Variants in SUCLG2 observed in about 807,000 individuals in gnomAD.
SUCLG2 encodes the protein succinate-CoA ligase GDP-forming subunit beta.
Under a neutral mutation model 47.9 loss-of-function variants are expected in SUCLG2, and 42 were observed. The ratio of observed to expected loss-of-function variants is 0.88; its 90% CI spans 0.69 to 1.14. The LOEUF is 1.14. SUCLG2 is among the 50% of genes most tolerant of loss of function. The pLI is 0.00. For synonymous variants in SUCLG2, 195 were observed against 197.3 expected (o/e 0.99, Z 0.10); for missense variants, 571 against 525.9 (o/e 1.09, Z -0.84).
downstream of SUCLG2, among the ~76,000 whole-genome samples, chr3:67,373,599 C>T (rs551262827): frequency 2.8e-4 from 42 of 152,024 alleles, no homozygotes; most frequent in Admixed American, 1.6e-3. Flanking sequence ...GTAAATGAAC[C>T]GGGGCCAGAT....
chr3:67,617,507 T>C (rs958461237), intron 1 of SUCLG2, among the ~76,000 whole-genome samples: 6 of 152,220 alleles, frequency 3.9e-5, no homozygotes, highest in Non-Finnish European at 7.3e-5. Flanking sequence ...GTAGTCTTCA[T>C]TGGAAGTCAC....
At chr3:67,629,776 G>A (rs1375624460) in intron 1 of SUCLG2, among the ~76,000 whole-genome samples, 2 of 152,072 alleles carry the variant, frequency 1.3e-5, no homozygotes, top group African/African-American at 2.4e-5. Context: ...ACCCAGGTAT[G>A]GCTGAAAGGA....
chr3:67,621,978 C>T (rs1214702885), intron 1 of SUCLG2, among the ~76,000 whole-genome samples: 2 of 152,160 alleles, frequency 1.3e-5, no homozygotes, highest in African/African-American at 4.8e-5. Flanking sequence ...TAACTTTCTT[C>T]CATTATTTAA....
rs1229687080 is a variant in SUCLG2 at position 67,400,806 on chromosome 3, C to T, written c.1108G>A (p.Ala370Thr). 4 of 1,612,676 alleles carry T rather than the reference C, an allele frequency of 2.5e-6. No homozygotes were observed. In the African/African-American group the frequency reaches 5.3e-5, roughly 22 times the overall value. Reference protein sequence around the residue: ...VNIFGGIVNCAIIANGITKAC... With the variant: ...VNIFGGIVNCTIIANGITKAC... ...TTGGTGATCCCATTGGCAATGATGG[C>T]ACAGTTGACGATACCACCAAATATA... The change falls in exon 10 of 11, where the codon GCC (alanine) becomes ACC (threonine). Residue 370 changes from alanine (A) to threonine (T), a missense_variant. Transcript: ENST00000307227.
chr3:67,404,039 C>T (rs950821960), intron 9 of SUCLG2, among the ~76,000 whole-genome samples: 1 of 152,184 alleles, frequency 6.6e-6, no homozygotes, highest in Non-Finnish European at 1.5e-5. Flanking sequence ...GCAGCTGCCA[C>T]CACACCTGAC....
rs1702011019 is a variant in SUCLG2 at position 67,375,196 on chromosome 3, A to G, written c.*548T>C. On this transcript the variant is annotated 3_prime_UTR_variant, in exon 11 of 11. Coordinates refer to ENST00000307227, the MANE Select transcript of SUCLG2 (RefSeq NM_003848.4). Reference sequence around the variant, plus strand: ...TGGAATACTCACGGATTTTTCAAACATATGTTAGAATTAGAAACCTGTAAA... The same window carrying G: ...TGGAATACTCACGGATTTTTCAAACGTATGTTAGAATTAGAAACCTGTAAA... 1 of 985,818 alleles carries G rather than the reference A, an allele frequency of 1.0e-6. No individual in the cohort carries two copies. The highest frequency in any genetic ancestry group is 1.7e-5 in the African/African-American group (1 of 57,366). The allele number at this position is 985,818 out of a possible 1,614,324, so 61.1% of individuals were successfully genotyped here.
At chr3:67,528,621 G>A (rs12495506) in intron 3 of SUCLG2, among the ~76,000 whole-genome samples, 1 of 152,188 alleles carries the variant, frequency 6.6e-6, no homozygotes, top group Non-Finnish European at 1.5e-5. Context: ...AAAAAGGTGT[G>A]TGACAGGAAC....
intron 7 of SUCLG2, among the ~76,000 whole-genome samples, chr3:67,506,775 C>T (rs1373315540): frequency 6.6e-6 from 1 of 152,244 alleles, no homozygotes; most frequent in Non-Finnish European, 1.5e-5. Context: ...GTTAAACCTT[C>T]TCCTTCATTT....
chr3:67,518,178 G>T, intron 6 of SUCLG2, 69 bp downstream of exon 6: 1 of 1,238,802 alleles, frequency 8.1e-7, no homozygotes. Context: ...AACACTAGAG[G>T]CAATGAAGCA....
intron 9 of SUCLG2, among the ~76,000 whole-genome samples, chr3:67,449,031 C>A (rs1319079020): frequency 6.6e-6 from 1 of 152,108 alleles, no homozygotes; most frequent in Non-Finnish European, 1.5e-5. Context: ...CACAGAAACA[C>A]ATTATTTTAC....
In SUCLG2 at chr3:67,641,413, T is replaced by C. The variant is rs937991288; in HGVS notation, c.84+13090A>G. 3.3e-5 allele frequency among the ~76,000 whole-genome samples: 5 copies of C among 152,072 alleles called. No individual in the cohort carries two copies. The South Asian group carries it at 1.0e-3, about 32-fold the overall frequency. ...TTCAGAGACTCCAGAAGTGCCAAGG[T>C]GAAAAAACAAAGGCTCATCTGGTCA... On this transcript the variant is annotated intron_variant, in intron 1 of 10. Transcript: ENST00000307227.
At chr3:67,594,218 T>C (rs1708243226) in intron 2 of SUCLG2, among the ~76,000 whole-genome samples, 1 of 152,226 alleles carries the variant, frequency 6.6e-6, no homozygotes. Context: ...GTTGAGGCAA[T>C]ACCTAACTGA....
chr3:67,400,647 C>G, intron 10 of SUCLG2, 84 bp downstream of exon 10: 2 of 1,560,276 alleles, frequency 1.3e-6, no homozygotes, highest in East Asian at 4.5e-5. Flanking sequence ...TCTGTTATCT[C>G]AGGAAGTTTG....
intron 2 of SUCLG2, among the ~76,000 whole-genome samples, chr3:67,540,095 C>T (rs964356916): frequency 2.0e-5 from 3 of 150,930 alleles, no homozygotes; most frequent in Admixed American, 2.0e-4. Flanking sequence ...TTGTCTTCTG[C>T]TTGCTTTTGA....
chr3:67,429,236 G>C (rs1703393636), intron 9 of SUCLG2, among the ~76,000 whole-genome samples: 1 of 152,210 alleles, frequency 6.6e-6, no homozygotes, highest in African/African-American at 2.4e-5. Context: ...AAGTCCATTA[G>C]ACTAACAGCT....
At chr3:67,434,197 A>G (rs993269510) in intron 9 of SUCLG2, among the ~76,000 whole-genome samples, 10 of 152,200 alleles carry the variant, frequency 6.6e-5, no homozygotes, top group Non-Finnish European at 1.3e-4. Flanking sequence ...GTTGTTTAAC[A>G]TAATCAAGAA....
chr3:67,369,686 G>A (rs1044058395), intron 10 of SUCLG2, among the ~76,000 whole-genome samples: 13 of 152,212 alleles, frequency 8.5e-5, no homozygotes, highest in African/African-American at 2.7e-4. Flanking sequence ...CCTAGTTGGA[G>A]GCGTATGCCG....
chr3:67,650,888 C>T (rs1185081027), intron 1 of SUCLG2, among the ~76,000 whole-genome samples: 1 of 152,158 alleles, frequency 6.6e-6, no homozygotes, highest in African/African-American at 2.4e-5. Context: ...ACTTAAGAAC[C>T]ATTTCAAACT....
intron 9 of SUCLG2, among the ~76,000 whole-genome samples, chr3:67,482,959 C>G (rs1188046520): frequency 2.0e-5 from 3 of 152,058 alleles, no homozygotes; most frequent in African/African-American, 7.2e-5. Context: ...GTCCAGAATA[C>G]TTAGAGATAA....
Sources: gnomAD v4.1 joint callset for allele counts (sites outside exome capture counted in the v4.1 genomes callset) on GRCh38, gnomAD v4.1.1 for gene constraint, MANE v1.5 for transcripts, NCBI Gene and HGNC (gene_info 2026-07-23, HGNC 2026-07-21) for gene names.